ANKRD23: variants seen among roughly 807,000 people sequenced by gnomAD.
ANKRD23 encodes ankyrin repeat domain-containing protein 23.
Under a neutral mutation model 38.1 loss-of-function variants are expected in ANKRD23, and 52 were observed. The observed-to-expected ratio is 1.36, with a 90% CI of 1.09 to 1.72. The LOEUF (loss-of-function observed/expected upper bound fraction) is 1.72. Ranked by LOEUF, ANKRD23 falls within the 40% of genes most tolerant of loss-of-function variation. The pLI is 0.00. For missense variants in ANKRD23, 416 were observed against 400.2 expected, an observed-to-expected ratio of 1.04 and a Z score of -0.34; for synonymous variants, 167 against 162.9, an observed-to-expected ratio of 1.03 and a Z score of -0.19.
Position 96,839,044 on chromosome 2 carries a change from C to T in ANKRD23, c.*505G>A, listed in dbSNP as rs548295393. 3.9e-5 allele frequency: 38 copies of T among 986,466 alleles called. No individual in the cohort carries two copies. The highest frequency in any genetic ancestry group is 3.1e-4 in the African/African-American group (18 of 57,408). The allele number at this position is 986,466 out of a possible 1,614,324, so 61.1% of individuals were successfully genotyped here. A position where few individuals can be genotyped will look rare whatever the true frequency, so the allele number is the denominator to read the frequency against. On this transcript the variant is annotated 3_prime_UTR_variant, in exon 9 of 9. Transcript: ENST00000318357. ...GGCATCCACCAGCTGCAGACAGGCC[C>T]GGCCCCTGCATGGCCTGCCTTGGCT...
At chr2:96,841,318 C>T (rs977790779) in intron 3 of ANKRD23, 15 of 169,176 alleles carry the variant, frequency 8.9e-5, no homozygotes, top group African/African-American at 1.2e-4. Flanking sequence ...ACACGTGGGC[C>T]GGATGCGGTG....
At position 96,840,930 on chromosome 2, in the gene ANKRD23, A is replaced by G. The variant is rs1223452359; in HGVS notation, c.301-18T>C. The G allele has an allele frequency of 6.2e-7, 1 of 1,613,006 alleles. No homozygotes were observed. Among genetic ancestry groups the G allele is most frequent in the Non-Finnish European group, 8.5e-7 (1 of 1,179,638 alleles). On this transcript the variant is annotated intron_variant, in intron 3 of 8. Transcript: ENST00000318357. ...GACTGCGGCTGGTTCAGTTGAAGAC[A>G]AGACCAAATCACTCCCGAAGGCCGC...
chr2:96,839,874 C>G, intron 7 of ANKRD23, 49 bp from the exon 8 acceptor site: 1 of 1,575,776 alleles, frequency 6.3e-7, no homozygotes, highest in Non-Finnish European at 8.6e-7. Flanking sequence ...TGCTGCCCTC[C>G]TCATGCAGGA....
chr2:96,841,543 A>G (rs551312807), intron 3 of ANKRD23, among the ~76,000 whole-genome samples: 262 of 148,638 alleles, frequency 1.8e-3, no homozygotes, highest in African/African-American at 3.2e-3. Context: ...AGCTTGCAGT[A>G]ATCCGAGATC....
rs922028521 is a variant in ANKRD23 at position 96,839,517 on chromosome 2, T to C, written c.*32A>G. The stretch of plus-strand genomic sequence containing the variant: ...GGGGCACAGGATGGAATGGTGGCAG[T>C]GCGAAAGGCGCGGCGGGGGGCGGTG... On this transcript the variant is annotated 3_prime_UTR_variant, in exon 9 of 9. Transcript: ENST00000318357. 3 of 1,425,088 alleles carry C rather than the reference T, an allele frequency of 2.1e-6. No homozygotes were observed. In the East Asian group the frequency reaches 7.8e-5, roughly 37 times the overall value. The allele number at this position is 1,425,088 out of a possible 1,614,324, so 88.3% of individuals were successfully genotyped here. A position where few individuals can be genotyped will look rare whatever the true frequency, so the allele number is the denominator to read the frequency against.
Position 96,840,051 on chromosome 2 carries a change from G to C in ANKRD23, c.669C>G (p.Pro223=), listed in dbSNP as rs144684794. ...PLHVAVRTRH[P]DCLEHLIECG... The stretch of plus-strand genomic sequence containing the variant: ...ACTCGATGAGGTGCTCCAGGCAGTC[G>C]GGGTGCCGGGTGCGCACTGCCACGT... Residue 223 remains proline, a synonymous_variant, in exon 7 of 9, where the codon CCC becomes CCG. Transcript: ENST00000318357. 6 of 1,562,868 alleles carry C rather than the reference G, an allele frequency of 3.8e-6. No homozygotes were observed. Among genetic ancestry groups the C allele is most frequent in the African/African-American group, 1.3e-5 (1 of 74,116 alleles).
chr2:96,839,727 C>A lies in ANKRD23; in HGVS notation c.822G>T (p.Ala274=). ...GAGCCAGGGCTGCGCCCACACTCAC[C>A]GCGTTCCGCACCCCCAGCTCGGCCC... ...LYGAELGVRN[A]ASVTPVQLAR... Residue 274 remains alanine (A), a splice_region_variant and synonymous_variant, in exon 8 of 9, where the codon GCG becomes GCT. Coordinates refer to ENST00000318357, the MANE Select transcript of ANKRD23 (RefSeq NM_144994.8). 5 of 1,612,864 alleles carry A rather than the reference C, an allele frequency of 3.1e-6. No individual in the cohort carries two copies. The highest frequency in any genetic ancestry group is 3.4e-6 in the Non-Finnish European group (4 of 1,179,804).
chr2:96,839,908 C>T, intron 7 of ANKRD23, 83 bp from the exon 8 acceptor site: 1 of 1,546,062 alleles, frequency 6.5e-7, no homozygotes, highest in Non-Finnish European at 8.8e-7. Flanking sequence ...TGTCACCGAG[C>T]AGACAGCACC....
rs764557718 is a variant in ANKRD23 at position 96,839,521 on chromosome 2, A to C, written c.*28T>G. 7.7e-6 allele frequency: 11 copies of C among 1,427,404 alleles called. No individual in the cohort carries two copies. Among genetic ancestry groups the C allele is most frequent in the South Asian group, 4.5e-5 (3 of 66,208 alleles). 88.4% of individuals were successfully genotyped at this position (1,427,404 alleles called of 1,614,324 possible). On this transcript the variant is annotated 3_prime_UTR_variant, in exon 9 of 9. Coordinates refer to ENST00000318357, the MANE Select transcript of ANKRD23 (RefSeq NM_144994.8). ...CACAGGATGGAATGGTGGCAGTGCG[A>C]AAGGCGCGGCGGGGGGCGGTGCTGC...
At chr2:96,841,817 G>C (rs13419073) in intron 3 of ANKRD23, among the ~76,000 whole-genome samples, 31,536 of 152,164 alleles carry the variant, frequency 0.21, 6,435 homozygotes, top group African/African-American at 0.53. Flanking sequence ...ACACCTTCCT[G>C]TTAGCCTTCC....
rs377042453 is a variant in ANKRD23 at position 96,840,836 on chromosome 2, A to G, written c.377T>C (p.Leu126Pro). Reference sequence around the variant, plus strand: ...TCCGTCTGTCAAGTACTTGTCAATCAGGTACTCCTGGTTCTCAGCAGCTGC... The same window carrying G: ...TCCGTCTGTCAAGTACTTGTCAATCGGGTACTCCTGGTTCTCAGCAGCTGC... Reference protein sequence around the residue: ...LKAAAENQEYLIDKYLTDGGD... With the variant: ...LKAAAENQEYPIDKYLTDGGD... Residue 126 changes from leucine to proline, a missense_variant, in exon 4 of 9, where the codon CTG becomes CCG. By Grantham distance (98) the Leu-to-Pro change is moderately conservative (BLOSUM62 -3). Transcript: ENST00000318357. 5.9e-5 allele frequency: 95 copies of G among 1,614,044 alleles called. No homozygotes were observed. Among genetic ancestry groups the G allele is most frequent in the Non-Finnish European group, 7.4e-5 (87 of 1,180,022 alleles).
intron 3 of ANKRD23, chr2:96,841,128 A>G (rs2079755943): frequency 1.3e-5 from 7 of 546,418 alleles, no homozygotes; most frequent in Non-Finnish European, 2.2e-5. Flanking sequence ...GTATCTCCCC[A>G]AGATTCGTAT....
chr2:96,843,849 C>T (rs572929290), intron 1 of ANKRD23, 117 bp downstream of exon 1: 1 of 968,594 alleles, frequency 1.0e-6, no homozygotes, highest in South Asian at 1.7e-5. Context: ...CTGCATGCTT[C>T]CCTGCACCTA....
intron 1 of ANKRD23, 87 bp from the exon 2 acceptor site, chr2:96,842,598 A>C (rs550831138): frequency 1.4e-6 from 2 of 1,475,374 alleles, no homozygotes; most frequent in Non-Finnish European, 1.8e-6. Flanking sequence ...GAGCTGTCTT[A>C]TAAGGGCAGA....
chr2:96,842,512 C>T lies in ANKRD23; in HGVS notation c.28-1G>A, dbSNP rs766585251. 7 of 1,612,808 alleles carry T rather than the reference C, an allele frequency of 4.3e-6. No homozygotes were observed. Among genetic ancestry groups the T allele is most frequent in the South Asian group, 1.1e-5 (1 of 90,896 alleles). ...TCCCTTCAACTCTTTCTCCACTTAC[C>T]TGTAGGAACAGGATATGAGTACTGA... On this transcript the variant is annotated splice_acceptor_variant, in intron 1 of 8. Transcript: ENST00000318357. LOFTEE classifies it high-confidence loss of function.
In ANKRD23 at chr2:96,839,790, G is replaced by A. The variant is rs776622207; in HGVS notation, c.759C>T (p.His253=). ...GDTALHEAVR[H]GSYKAMKLLL... ...GTAGCTTCATGGCTTTGTAGCTGCC[G>A]TGCCGCACGGCCTCGTGCAGAGCCG... Residue 253 remains histidine, a synonymous_variant, in exon 8 of 9, where the codon CAC becomes CAT. Coordinates refer to ENST00000318357, the MANE Select transcript of ANKRD23 (RefSeq NM_144994.8). The A allele has an allele frequency of 4.0e-5, 65 of 1,613,242 alleles. No homozygotes were observed. The highest frequency in any genetic ancestry group is 4.8e-5 in the Non-Finnish European group (57 of 1,179,970).
In ANKRD23 at chr2:96,840,066, C is replaced by G; in HGVS notation, c.654G>C (p.Val218=). ...CCAGGCAGTCGGGGTGCCGGGTGCGCACTGCCACGTGCAGGGGGGTGCTCC... is the reference window on the plus strand; with the variant it reads ...CCAGGCAGTCGGGGTGCCGGGTGCGGACTGCCACGTGCAGGGGGGTGCTCC... ...KIGSTPLHVA[V]RTRHPDCLEH... Residue 218 remains valine (V), a synonymous_variant, in exon 7 of 9, where the codon GTG becomes GTC. Transcript: ENST00000318357. The G allele has an allele frequency of 6.4e-7, 1 of 1,561,424 alleles. No individual in the cohort carries two copies. The highest frequency in any genetic ancestry group is 1.2e-5 in the South Asian group (1 of 84,776).
chr2:96,843,164 G>A (rs1009585780), intron 1 of ANKRD23, among the ~76,000 whole-genome samples: 1 of 152,186 alleles, frequency 6.6e-6, no homozygotes, highest in Non-Finnish European at 1.5e-5. Context: ...GCCTGTTGTG[G>A]GGAAAGAACA....
chr2:96,840,574 C>T lies in ANKRD23; in HGVS notation c.427-60G>A, dbSNP rs1356113995. ...TGCAGCCACCCCTAGAGACCCCACG[C>T]GGTCCCCTTCCCAGGGCCAGGTCCC... On this transcript the variant is annotated intron_variant, in intron 4 of 8. Transcript: ENST00000318357. 8 of 1,576,222 alleles carry T rather than the reference C, an allele frequency of 5.1e-6. No homozygotes were observed. In the Admixed American group the frequency reaches 6.8e-5, roughly 13 times the overall value.
Sources: allele counts gnomAD v4.1 joint callset (sites outside exome capture counted in the v4.1 genomes callset), GRCh38; gene constraint gnomAD v4.1.1; transcripts MANE v1.5; gene names NCBI Gene and HGNC (gene_info 2026-07-23, HGNC 2026-07-21).